The following MUC3A variants were observed in gnomAD, a reference collection of about 807,000 sequenced individuals.
MUC3A encodes the protein mucin 3A, cell surface associated, also known as mucin-3A.
In MUC3A, 109 loss-of-function variants were observed where a neutral mutation model predicts 109.0. That is an observed-to-expected ratio of 1.00 (90% CI 0.86 to 1.17). MUC3A has a LOEUF of 1.17. Among genes scored for constraint, MUC3A ranks in the 50% most tolerant of loss-of-function variants. MUC3A has a pLI of 0.00. For missense variants in MUC3A, 3,537 were observed against 2,469.4 expected, an observed-to-expected ratio of 1.43 and a Z score of -9.16; for synonymous variants, 1,398 against 981.4, an observed-to-expected ratio of 1.42 and a Z score of -7.93.
Position 100,960,597 on chromosome 7 carries a change from C to G in MUC3A, c.8818C>G (p.Arg2940Gly). 6.3e-7 allele frequency: 1 copy of G among 1,598,678 alleles called. No homozygotes were observed. Among genetic ancestry groups the G allele is most frequent in the South Asian group, 1.1e-5 (1 of 91,084 alleles). The change falls in exon 2 of 12, where the codon CGC (arginine) becomes GGC (glycine). Residue 2940 changes from arginine (R) to glycine (G), a missense_variant. Physicochemically the swap from Arg to Gly is moderately radical, Grantham distance 125. Transcript: ENST00000379458. ...CACCCTTACATCACGCAGGACAACT[C>G]GCATCACTTCTCAGATGACCACACA... ...PTTLTSRRTT[R>G]ITSQMTTQST...
Position 100,959,797 on chromosome 7 carries a change from T to C in MUC3A, c.8018T>C (p.Ile2673Thr). ...AGGGGAAGTACGTCTACAAATGCAA[T>C]CTTGACTTCTTTTAGTACCATCATC... The part of the protein sequence containing the change: ...FTRGSTSTNA[I>T]LTSFSTIIWS... Residue 2673 changes from isoleucine (I) to threonine (T), a missense_variant, in exon 2 of 12, where the codon ATC becomes ACC. Physicochemically the swap from Ile to Thr is moderately conservative, Grantham distance 89 (BLOSUM62 -1). Coordinates refer to ENST00000379458, the MANE Select transcript of MUC3A (RefSeq NM_005960.2). 13 of 1,593,722 alleles carry C rather than the reference T, an allele frequency of 8.2e-6. No homozygotes were observed. Among genetic ancestry groups the C allele is most frequent in the Non-Finnish European group, 1.0e-5 (12 of 1,177,340 alleles).
Position 100,958,569 on chromosome 7 carries a change from G to A in MUC3A, c.6790G>A (p.Glu2264Lys), listed in dbSNP as rs201598393. ...CTTCACTTCTTCGATCACCACCACT[G>A]AGACCACCTCACATGATACTCCCAG... ...PSFTSSITTT[E>K]TTSHDTPSFT... Residue 2264 changes from glutamate (E) to lysine (K), a missense_variant, in exon 2 of 12, where the codon GAG (glutamate) becomes AAG (lysine). Transcript: ENST00000379458. 1.0e-5 allele frequency: 14 copies of A among 1,339,112 alleles called. No individual in the cohort carries two copies. The highest frequency in any genetic ancestry group is 1.2e-5 in the Non-Finnish European group (12 of 992,736). 83.0% of individuals were successfully genotyped at this position (1,339,112 alleles called of 1,614,324 possible). A position where few individuals can be genotyped will look rare whatever the true frequency, so the allele number is the denominator to read the frequency against.
In MUC3A at chr7:100,958,135, T is replaced by TCACACA; in HGVS notation, c.6356_6357insCACACA (p.Met2119delinsIleThrGln). On this transcript the variant is annotated protein_altering_variant, in exon 2 of 12. Coordinates refer to ENST00000379458, the MANE Select transcript of MUC3A (RefSeq NM_005960.2). The stretch of plus-strand genomic sequence containing the variant: ...ACTTCCTCAATCACCACCTCTGAGA[T>TCACACA]GCCCTCACACAGTACTCCCAGCTTC... 2 of 537,660 alleles carry TCACACA rather than the reference T, an allele frequency of 3.7e-6. No homozygotes were observed. Among genetic ancestry groups the TCACACA allele is most frequent in the Non-Finnish European group, 6.8e-6 (2 of 294,096 alleles). 33.3% of individuals were successfully genotyped at this position (537,660 alleles called of 1,614,324 possible). A position where few individuals can be genotyped will look rare whatever the true frequency, so the allele number is the denominator to read the frequency against.
At position 100,967,113 on chromosome 7, in the gene MUC3A, T is replaced by A; in HGVS notation, c.9931-8T>A. The A allele has an allele frequency of 6.3e-7, 1 of 1,598,546 alleles. No individual in the cohort carries two copies. On this transcript the variant is annotated splice_region_variant and splice_polypyrimidine_tract_variant and intron_variant, in intron 11 of 11. Coordinates refer to ENST00000379458, the MANE Select transcript of MUC3A (RefSeq NM_005960.2). Reference sequence around the variant, plus strand: ...CCGCGTTCCCGTCCCTCACTGTGACTCTGACAGGTGCACATCAAGAGACCC... The same window carrying A: ...CCGCGTTCCCGTCCCTCACTGTGACACTGACAGGTGCACATCAAGAGACCC...
At position 100,954,948 on chromosome 7, in the gene MUC3A, A is replaced by G; in HGVS notation, c.3169A>G (p.Ser1057Gly). 1.8e-6 allele frequency: 1 copy of G among 546,760 alleles called. No homozygotes were observed. The highest frequency in any genetic ancestry group is 3.2e-6 in the Non-Finnish European group (1 of 310,970). 33.9% of individuals were successfully genotyped at this position (546,760 alleles called of 1,614,324 possible). Residue 1057 changes from serine to glycine, a missense_variant, in exon 2 of 12, where the codon AGT becomes GGT. Ser to Gly is a moderately conservative substitution (Grantham distance 56, BLOSUM62 0). Coordinates refer to ENST00000379458, the MANE Select transcript of MUC3A (RefSeq NM_005960.2). ...TGTCCCAAGCACAGAAATGATCACC[A>G]GTCATACCACAAACACCACCCCTCT... ...TPVPSTEMIT[S>G]HTTNTTPLST...
Position 100,954,330 on chromosome 7 carries a change from A to G in MUC3A, c.2551A>G (p.Asn851Asp). Residue 851 changes from asparagine to aspartate, a missense_variant, in exon 2 of 12, where the codon AAC becomes GAC. Physicochemically the swap from Asn to Asp is conservative, Grantham distance 23. Coordinates refer to ENST00000379458, the MANE Select transcript of MUC3A (RefSeq NM_005960.2). ...CCTCACCTCAGTGTACACAGTCTCT[A>G]ACATGTCTGCAAGGCCAACAACTGT... Reference protein sequence around the residue: ...TDLTSVYTVSNMSARPTTVIP... With the variant: ...TDLTSVYTVSDMSARPTTVIP... 4.9e-6 allele frequency: 2 copies of G among 407,154 alleles called. No individual in the cohort carries two copies. Among genetic ancestry groups the G allele is most frequent in the Non-Finnish European group, 8.6e-6 (2 of 231,934 alleles). The allele number at this position is 407,154 out of a possible 1,614,324, so 25.2% of individuals were successfully genotyped here. A position where few individuals can be genotyped will look rare whatever the true frequency, so the allele number is the denominator to read the frequency against.
chr7:100,949,545 G>T lies in MUC3A; in HGVS notation c.-80G>T. On this transcript the variant is annotated 5_prime_UTR_variant, in exon 1 of 12. Transcript: ENST00000379458. ...AACCGATAACCAGCACTTTCATTAC[G>T]TGCACGCCCCAGGGCCACGTCCCTG... 4 of 1,228,772 alleles carry T rather than the reference G, an allele frequency of 3.3e-6. No individual in the cohort carries two copies. The highest frequency in any genetic ancestry group is 4.2e-6 in the Non-Finnish European group (4 of 951,336). 76.1% of individuals were successfully genotyped at this position (1,228,772 alleles called of 1,614,324 possible).
At position 100,960,603 on chromosome 7, in the gene MUC3A, A is replaced by G. The variant is rs1344212676; in HGVS notation, c.8824A>G (p.Thr2942Ala). 2 of 1,598,640 alleles carry G rather than the reference A, an allele frequency of 1.3e-6. No homozygotes were observed. Among genetic ancestry groups the G allele is most frequent in the Admixed American group, 3.3e-5 (2 of 60,020 alleles). Residue 2942 changes from threonine (T) to alanine (A), a missense_variant, in exon 2 of 12, where the codon ACT (threonine) becomes GCT (alanine). Thr to Ala is a moderately conservative substitution (Grantham distance 58, BLOSUM62 0). Transcript: ENST00000379458. ...TLTSRRTTRITSQMTTQSTLT... is the reference protein window; with the variant it reads ...TLTSRRTTRIASQMTTQSTLT... ...TACATCACGCAGGACAACTCGCATC[A>G]CTTCTCAGATGACCACACAGTCCAC...
chr7:100,966,274 C>G, intron 8 of MUC3A, 112 bp from the exon 9 acceptor site: 11 of 948,748 alleles, frequency 1.2e-5, no homozygotes, highest in Non-Finnish European at 1.4e-5. Flanking sequence ...GTGGAACCCC[C>G]CGCTGCCCTA....
Position 100,965,779 on chromosome 7 carries a change from G to A in MUC3A, c.9524G>A (p.Cys3175Tyr). The part of the protein sequence containing the change: ...FPLVEATRLR[C>Y]VTKCTSGVDN... The stretch of plus-strand genomic sequence containing the variant: ...TTGGTGGAGGCCACCCGGCTCCGCT[G>A]TGTCACCAAATGCACGTCGGGGGTG... The change falls in exon 8 of 12, where the codon TGT (cysteine) becomes TAT (tyrosine). Residue 3175 changes from cysteine to tyrosine, a missense_variant. Cys to Tyr is a radical substitution (Grantham distance 194). Transcript: ENST00000379458. 1 of 1,598,050 alleles carries A rather than the reference G, an allele frequency of 6.3e-7. No individual in the cohort carries two copies. Among genetic ancestry groups the A allele is most frequent in the Non-Finnish European group, 8.5e-7 (1 of 1,179,406 alleles).
At chr7:100,966,792 C>G (rs775087862) in intron 10 of MUC3A, 49 bp downstream of exon 10, 8 of 1,598,438 alleles carry the variant, frequency 5.0e-6, no homozygotes, top group Middle Eastern at 3.3e-4. Context: ...CTGGGCACCA[C>G]TGCGAGGACA....
In MUC3A at chr7:100,964,593, C is replaced by T. The variant is rs1453639256; in HGVS notation, c.9234-102C>T. The T allele has an allele frequency of 1.7e-5, 23 of 1,330,946 alleles. No homozygotes were observed. In the Admixed American group the frequency reaches 6.2e-4, roughly 36 times the overall value. The allele number at this position is 1,330,946 out of a possible 1,614,324, so 82.4% of individuals were successfully genotyped here. A position where few individuals can be genotyped will look rare whatever the true frequency, so the allele number is the denominator to read the frequency against. On this transcript the variant is annotated intron_variant, in intron 5 of 11. Coordinates refer to ENST00000379458, the MANE Select transcript of MUC3A (RefSeq NM_005960.2). ...GGCATCCCAACTCATGACCTCTGCT[C>T]CCTTCCCCCTTCTGGTGCACTTTGG...
Position 100,960,313 on chromosome 7 carries a change from A to C in MUC3A, c.8534A>C (p.Asn2845Thr). Residue 2845 changes from asparagine (N) to threonine (T), a missense_variant, in exon 2 of 12, where the codon AAT (asparagine) becomes ACT (threonine). Transcript: ENST00000379458. ...MPESESSISP[N>T]ASSSTGTGTV... ...GAAAGTGAGTCCAGCATCTCACCCAATGCTTCCAGTTCCACTGGCACTGGG... is the reference window on the plus strand; with the variant it reads ...GAAAGTGAGTCCAGCATCTCACCCACTGCTTCCAGTTCCACTGGCACTGGG... The C allele has an allele frequency of 5.0e-6, 8 of 1,598,536 alleles. No homozygotes were observed. Among genetic ancestry groups the C allele is most frequent in the Non-Finnish European group, 6.8e-6 (8 of 1,179,814 alleles).
chr7:100,951,800 C>T (rs201907098), intron 1 of MUC3A, 41 bp from the exon 2 acceptor site: 4,894 of 1,581,658 alleles, frequency 3.1e-3, no homozygotes, highest in Non-Finnish European at 3.9e-3. Flanking sequence ...AAATGACCCA[C>T]GGATTTACCA....
intron 5 of MUC3A, 127 bp downstream of exon 5, chr7:100,963,879 A>C (rs1792428781): frequency 2.9e-6 from 4 of 1,384,600 alleles, no homozygotes; most frequent in Admixed American, 2.0e-5. Flanking sequence ...TACATAAGGA[A>C]TCACTCCCTG....
rs1194482765 is a variant in MUC3A, at chr7:100,956,480, G to T, written c.4701G>T (p.Val1567=). 71 of 483,026 alleles carry T rather than the reference G, an allele frequency of 1.5e-4. No homozygotes were observed. Among genetic ancestry groups the T allele is most frequent in the Non-Finnish European group, 1.5e-4 (40 of 274,322 alleles). The allele number at this position is 483,026 out of a possible 1,614,324, so 29.9% of individuals were successfully genotyped here. Residue 1567 remains valine, a synonymous_variant, in exon 2 of 12, where the codon GTG becomes GTT. Transcript: ENST00000379458. The part of the protein sequence containing the change: ...VTSTSMIPST[V]STGIPTSQPT... ...CTACATCCATGATCCCATCTACTGT[G>T]AGTACAGGTATCCCTACCTCACAAC...
At position 100,954,746 on chromosome 7, in the gene MUC3A, G is replaced by T. The variant is rs974211027; in HGVS notation, c.2967G>T (p.Leu989=). The T allele has an allele frequency of 1.0e-5, 4 of 401,324 alleles. No individual in the cohort carries two copies. Among genetic ancestry groups the T allele is most frequent in the Non-Finnish European group, 1.8e-5 (4 of 227,934 alleles). 24.9% of individuals were successfully genotyped at this position (401,324 alleles called of 1,614,324 possible). A position where few individuals can be genotyped will look rare whatever the true frequency, so the allele number is the denominator to read the frequency against. ...STATFPETTT[L]TPTTDISTVS... is the part of the protein sequence containing the mutation. Reference sequence around the variant, plus strand: ...CCACATTCCCTGAGACCACTACACTGACTCCTACAACTGACATTTCTACAG... The same window carrying T: ...CCACATTCCCTGAGACCACTACACTTACTCCTACAACTGACATTTCTACAG... The change falls in exon 2 of 12, where the codon CTG becomes CTT. Residue 989 remains leucine (L), a synonymous_variant. Coordinates refer to ENST00000379458, the MANE Select transcript of MUC3A (RefSeq NM_005960.2).
rs1381869487 is a variant in MUC3A at position 100,954,206 on chromosome 7, G to C, written c.2427G>C (p.Met809Ile). 4 of 513,262 alleles carry C rather than the reference G, an allele frequency of 7.8e-6. No homozygotes were observed. The highest frequency in any genetic ancestry group is 1.4e-5 in the Non-Finnish European group (4 of 293,048). 31.8% of individuals were successfully genotyped at this position (513,262 alleles called of 1,614,324 possible). A position where few individuals can be genotyped will look rare whatever the true frequency, so the allele number is the denominator to read the frequency against. ...TLGTMVTSTS[M>I]ISSTVSTGIP... is the part of the protein sequence containing the mutation. ...GTACCATGGTAACTTCTACATCCAT[G>C]ATCTCATCTACTGTGAGTACAGGTA... The change falls in exon 2 of 12, where the codon ATG becomes ATC. Residue 809 changes from methionine to isoleucine, a missense_variant. Met to Ile is a conservative substitution (Grantham distance 10). Transcript: ENST00000379458.
chr7:100,960,287 A>C lies in MUC3A; in HGVS notation c.8508A>C (p.Pro2836=), dbSNP rs759863732. The C allele has an allele frequency of 7.5e-6, 12 of 1,598,550 alleles. No individual in the cohort carries two copies. In the Admixed American group the frequency reaches 1.7e-4, roughly 22 times the overall value. The change falls in exon 2 of 12, where the codon CCA becomes CCC. Residue 2836 remains proline (P), a synonymous_variant. Coordinates refer to ENST00000379458, the MANE Select transcript of MUC3A (RefSeq NM_005960.2). Reference sequence around the variant, plus strand: ...ATATGGACACTTCTTCCATGATGCCAGAAAGTGAGTCCAGCATCTCACCCA... The same window carrying C: ...ATATGGACACTTCTTCCATGATGCCCGAAAGTGAGTCCAGCATCTCACCCA... The part of the protein sequence containing the change: ...TTYMDTSSMM[P]ESESSISPNA...
Sources: gnomAD v4.1 joint callset for allele counts on GRCh38, gnomAD v4.1.1 for gene constraint, MANE v1.5 for transcripts, NCBI Gene and HGNC (gene_info 2026-07-23, HGNC 2026-07-21) for gene names.